The following DENND5B variants were observed in gnomAD, a reference collection of about 807,000 sequenced individuals.
DENND5B encodes DENN domain containing 5B, also known as DENN domain-containing protein 5B.
In DENND5B, 34 loss-of-function variants were observed where a neutral mutation model predicts 140.6. The ratio of observed to expected loss-of-function variants is 0.24; its 90% confidence interval spans 0.18 to 0.32. The LOEUF (loss-of-function observed/expected upper bound fraction) is 0.32. Among genes scored for constraint, DENND5B ranks in the 10% least tolerant of loss-of-function variants. The pLI is 1.00. For synonymous variants in DENND5B, 551 were observed against 562.1 expected, an observed-to-expected ratio of 0.98 and a Z score of 0.28; for missense variants, 1,142 against 1,560.2, an observed-to-expected ratio of 0.73 and a Z score of 4.52.
In DENND5B at chr12:31,555,959, GCTTT is replaced by G. The variant is rs1305594049; in HGVS notation, c.127+34743_127+34746del. ...GATTTTCCAGGTGCCCTCTGTCACTGCTTTCTTTGACTAGGAAAGGGAATTCCCT... is the reference window on the plus strand; with the variant it reads ...GATTTTCCAGGTGCCCTCTGTCACTGCTTTGACTAGGAAAGGGAATTCCCT... On this transcript the variant is annotated intron_variant, in intron 1 of 20. Transcript: ENST00000389082. Among the ~76,000 whole-genome samples the G allele has an allele frequency of 2.6e-5, 4 of 152,208 alleles. 1 individual carries two copies. Among genetic ancestry groups the G allele is most frequent in the Non-Finnish European group, 5.9e-5 (4 of 68,040 alleles).
intron 4 of DENND5B, 142 bp from the exon 5 acceptor site, chr12:31,452,618 G>T: frequency 1.2e-6 from 1 of 848,688 alleles, no homozygotes; most frequent in Non-Finnish European, 1.7e-6. Context: ...GAGCCCAGGG[G>T]TTCGAGACAA....
intron 6 of DENND5B, 79 bp from the exon 7 acceptor site, chr12:31,443,004 CTACA>C: frequency 7.6e-7 from 1 of 1,322,942 alleles, no homozygotes; most frequent in East Asian, 2.5e-5. Context: ...ACTCATGCAC[CTACA>C]GAGAACCCAA....
intron 1 of DENND5B, among the ~76,000 whole-genome samples, chr12:31,567,975 A>T (rs1949687967): frequency 6.6e-6 from 1 of 152,134 alleles, no homozygotes; most frequent in African/African-American, 2.4e-5. Context: ...AAAGTACGGG[A>T]TTACAGATGT....
At chr12:31,451,892 T>C (rs748285611) in intron 5 of DENND5B, 48 bp downstream of exon 5, 1 of 1,585,750 alleles carries the variant, frequency 6.3e-7, no homozygotes, top group African/African-American at 1.4e-5. Flanking sequence ...TTAAAATCAA[T>C]AATAAAGCCA....
rs189569143 is a variant in DENND5B at position 31,577,668 on chromosome 12, G to A, written c.127+13038C>T. Among the ~76,000 whole-genome samples, 604 of 138,260 alleles carry A rather than the reference G, an allele frequency of 4.4e-3. 5 individuals are homozygous for A. Among genetic ancestry groups the A allele is most frequent in the African/African-American group, 0.015 (549 of 35,476 alleles). The allele number at this position is 138,260 out of a possible 152,430, so 90.7% of individuals were successfully genotyped here. On this transcript the variant is annotated intron_variant, in intron 1 of 20. Transcript: ENST00000389082. ...AGAGCTTGCAGTGAGCTGAGATTGCGCCACTGTACTCCAGCCTGGGCGACA... is the reference window on the plus strand; with the variant it reads ...AGAGCTTGCAGTGAGCTGAGATTGCACCACTGTACTCCAGCCTGGGCGACA...
chr12:31,427,317 C>T (rs1224681074), intron 8 of DENND5B, among the ~76,000 whole-genome samples: 1 of 152,014 alleles, frequency 6.6e-6, no homozygotes, highest in Non-Finnish European at 1.5e-5. Context: ...TATAAAAGTT[C>T]ATCCAGAGGC....
chr12:31,570,561 G>A (rs550046943), intron 1 of DENND5B, among the ~76,000 whole-genome samples: 1 of 149,412 alleles, frequency 6.7e-6, no homozygotes, highest in Non-Finnish European at 1.5e-5. Flanking sequence ...ACAGGCGTGA[G>A]CCACTGCACC....
chr12:31,560,002 T>A lies in DENND5B; in HGVS notation c.127+30704A>T, dbSNP rs529261453. ...GTGCTTACTGATCCAATCTTACTGT[T>A]AGAACATCCATGAACTATCCTTGGC... On this transcript the variant is annotated intron_variant, in intron 1 of 20. Coordinates refer to ENST00000389082, the MANE Select transcript of DENND5B (RefSeq NM_144973.4). Among the ~76,000 whole-genome samples, 3 of 152,332 alleles carry A rather than the reference T, an allele frequency of 2.0e-5. No individual in the cohort carries two copies. The South Asian group carries it at 6.2e-4, about 32-fold the overall frequency.
At chr12:31,472,607 A>T (rs886590392) in intron 3 of DENND5B, among the ~76,000 whole-genome samples, 1 of 152,072 alleles carries the variant, frequency 6.6e-6, no homozygotes, top group Non-Finnish European at 1.5e-5. Context: ...TGAAAGTCTT[A>T]ATATAGCACT....
intron 1 of DENND5B, among the ~76,000 whole-genome samples, chr12:31,535,993 T>C (rs2388924): frequency 0.57 from 86,585 of 151,720 alleles, 25,163 homozygotes; most frequent in East Asian, 0.82. Context: ...CTGTTCCTCC[T>C]GATAGTGAGT....
At chr12:31,489,596 C>A (rs1327078908) in intron 2 of DENND5B, among the ~76,000 whole-genome samples, 2 of 152,172 alleles carry the variant, frequency 1.3e-5, no homozygotes, top group African/African-American at 4.8e-5. Flanking sequence ...TTCATTTATT[C>A]AACAATTTGA....
At chr12:31,451,823 A>T (rs1393410189) in intron 5 of DENND5B, 117 bp downstream of exon 5, 2 of 1,272,200 alleles carry the variant, frequency 1.6e-6, no homozygotes, top group East Asian at 5.1e-5. Context: ...AAAAAAGGTT[A>T]ACAAAATCAA....
chr12:31,559,722 TAAAAG>T (rs1227224790), intron 1 of DENND5B, among the ~76,000 whole-genome samples: 2 of 150,884 alleles, frequency 1.3e-5, no homozygotes, highest in African/African-American at 4.9e-5. Context: ...AAAGAAGAAA[TAAAAG>T]AAAAAAGAAA....
chr12:31,536,610 T>G (rs1306617971), intron 1 of DENND5B, among the ~76,000 whole-genome samples: 2 of 151,902 alleles, frequency 1.3e-5, no homozygotes, highest in Admixed American at 6.6e-5. Flanking sequence ...TAAGAGTTAC[T>G]GGTCTTCAGG....
At chr12:31,536,842 A>G (rs1293963111) in intron 1 of DENND5B, among the ~76,000 whole-genome samples, 5 of 152,190 alleles carry the variant, frequency 3.3e-5, no homozygotes, top group Non-Finnish European at 5.9e-5. Context: ...GCAACAGAAA[A>G]GAAACAATAT....
In DENND5B at chr12:31,590,814, C is replaced by A; in HGVS notation, c.19G>T (p.Ala7Ser). MSGSCA[A>S]PGPGSGSSPA... The stretch of plus-strand genomic sequence containing the variant: ...GAGGAGCCCGAGCCCGGGCCGGGCG[C>A]CGCGCAGCTCCCGCTCATCCCGGCC... Residue 7 changes from alanine to serine, a missense_variant, in exon 1 of 21, where the codon GCG (alanine) becomes TCG (serine). By Grantham distance (99) the Ala-to-Ser change is moderately conservative (BLOSUM62 1). This residue lies in a region of DENND5B where 708 missense variants were observed against 905.5 expected (regional missense o/e 0.78). Coordinates refer to ENST00000389082, the MANE Select transcript of DENND5B (RefSeq NM_144973.4). The A allele has an allele frequency of 7.8e-7, 1 of 1,286,666 alleles. No homozygotes were observed. The highest frequency in any genetic ancestry group is 3.0e-4 in the Middle Eastern group (1 of 3,312). 79.7% of individuals were successfully genotyped at this position (1,286,666 alleles called of 1,614,324 possible). A position where few individuals can be genotyped will look rare whatever the true frequency, so the allele number is the denominator to read the frequency against.
At chr12:31,482,110 T>C (rs1415100800) in intron 2 of DENND5B, among the ~76,000 whole-genome samples, 1 of 152,224 alleles carries the variant, frequency 6.6e-6, no homozygotes, top group Admixed American at 6.5e-5. Context: ...GTGTCCAAAC[T>C]GCTCCTCACA....
chr12:31,460,581 G>C (rs1194517771), intron 3 of DENND5B, among the ~76,000 whole-genome samples, 200 bp from the exon 4 acceptor site: 1 of 151,042 alleles, frequency 6.6e-6, no homozygotes, highest in Non-Finnish European at 1.5e-5. Flanking sequence ...TTTTAAGGGG[G>C]TGTGGGTAGG....
intron 1 of DENND5B, among the ~76,000 whole-genome samples, chr12:31,581,514 C>T (rs1950207082): frequency 1.3e-5 from 2 of 151,902 alleles, no homozygotes; most frequent in South Asian, 2.1e-4. Flanking sequence ...CATGGTGAAA[C>T]TCCGTCTCTA....
Sources: gnomAD v4.1 joint callset for allele counts (sites outside exome capture counted in the v4.1 genomes callset) on GRCh38, gnomAD v4.1.1 for gene constraint, gnomAD v4.1.1 regional missense constraint, MANE v1.5 for transcripts, NCBI Gene and HGNC (gene_info 2026-07-23, HGNC 2026-07-21) for gene names.